The following LEMD1 variants were observed in gnomAD, a reference collection of about 807,000 sequenced individuals.
LEMD1 encodes the protein LEM domain-containing protein 1.
A neutral mutation model predicts 17.4 loss-of-function variants in LEMD1; 18 were observed. That is an observed-to-expected ratio of 1.04 (90% CI 0.72 to 1.54). The LOEUF is 1.54. LEMD1 is among the 40% of genes most tolerant of loss of function. The pLI is 0.00. For missense variants in LEMD1, 195 were observed against 210.4 expected (o/e 0.93, Z 0.45); for synonymous variants, 88 against 77.8 (o/e 1.13, Z -0.69).
upstream of LEMD1, among the ~76,000 whole-genome samples, chr1:205,426,739 C>T (rs1666061659): frequency 6.6e-6 from 1 of 152,148 alleles, no homozygotes; most frequent in African/African-American, 2.4e-5. Flanking sequence ...GGTGTTTAGG[C>T]CCCCAGGTCC....
At chr1:205,440,312 A>G (rs907241445) in intron 1 of LEMD1, among the ~76,000 whole-genome samples, 7 of 152,198 alleles carry the variant, frequency 4.6e-5, no homozygotes. Context: ...AGAGGGAGCC[A>G]CGGAGCCACT....
chr1:205,449,574 G>GCACAGCACAGCACAGCACACAGCA (rs1054768083), intron 1 of LEMD1, among the ~76,000 whole-genome samples: 3 of 152,160 alleles, frequency 2.0e-5, no homozygotes, highest in African/African-American at 4.8e-5. Context: ...CCCAACAACA[G>GCACAGCACAGCACAGCACACAGCA]CACAGCACAG....
intron 5 of LEMD1, among the ~76,000 whole-genome samples, chr1:205,383,097 A>G (rs533401932): frequency 6.6e-6 from 1 of 152,234 alleles, no homozygotes; most frequent in South Asian, 2.1e-4. Flanking sequence ...TATTACATAC[A>G]TATTTTTTTG....
In LEMD1 at chr1:205,413,587, CTTTTTTTTTTTTTTT is replaced by C. The variant is rs781477988; in HGVS notation, c.270+2630_270+2644del. Among the ~76,000 whole-genome samples the C allele has an allele frequency of 1.1e-4, 8 of 72,506 alleles. No homozygotes were observed. The South Asian group carries it at 2.9e-3, about 26-fold the overall frequency. The allele number at this position is 72,506 out of a possible 152,430, so 47.6% of individuals were successfully genotyped here. On this transcript the variant is annotated intron_variant, in intron 4 of 5. Coordinates refer to ENST00000367153, the MANE Select transcript of LEMD1 (RefSeq NM_001199050.2). ...GACATGTGCGTGTCACCATGCCCAACTTTTTTTTTTTTTTTTTTTTTTTTTTGGAGATATGAGGTG... is the reference window on the plus strand; with the variant it reads ...GACATGTGCGTGTCACCATGCCCAACTTTTTTTTTTTGGAGATATGAGGTG...
At chr1:205,422,540 T>C (rs749453343), upstream of LEMD1, among the ~76,000 whole-genome samples, 4 of 152,214 alleles carry the variant, frequency 2.6e-5, no homozygotes. Context: ...ATTTGGCCTT[T>C]TCAAAGCATG....
intron 4 of LEMD1, among the ~76,000 whole-genome samples, chr1:205,411,671 A>AAAAGAAAGAAAG (rs199610367): frequency 1.4e-3 from 205 of 146,156 alleles, no homozygotes; most frequent in African/African-American, 4.9e-3. Context: ...AGAAAGAAAG[A>AAAAGAAAGAAAG]AAAGAAAGAA....
intron 4 of LEMD1, among the ~76,000 whole-genome samples, chr1:205,387,911 C>T (rs1425174865): frequency 1.3e-5 from 2 of 152,252 alleles, no homozygotes; most frequent in Non-Finnish European, 1.5e-5. Flanking sequence ...CACCAGGCAC[C>T]ATTCTAAGCA....
At chr1:205,409,774 AT>A (rs113455474) in intron 4 of LEMD1, among the ~76,000 whole-genome samples, 1,258 of 116,148 alleles carry the variant, frequency 0.011, 10 homozygotes, top group African/African-American at 0.022. Flanking sequence ...CAGTTAATTA[AT>A]TTTTTTTTTT....
At chr1:205,405,296 A>T (rs9729407) in intron 4 of LEMD1, among the ~76,000 whole-genome samples, 11 of 144,552 alleles carry the variant, frequency 7.6e-5, no homozygotes, top group African/African-American at 1.0e-4. Context: ...CCTGCAGAGT[A>T]TTTTCCAACT....
intron 4 of LEMD1, among the ~76,000 whole-genome samples, chr1:205,411,898 G>T (rs1228407733): frequency 6.6e-6 from 1 of 152,086 alleles, no homozygotes; most frequent in Non-Finnish European, 1.5e-5. Context: ...GGCCCAGGAG[G>T]GCTCAGAAGT....
In LEMD1 at chr1:205,400,917, A is replaced by G. The variant is rs568054643; in HGVS notation, c.270+15315T>C. The stretch of plus-strand genomic sequence containing the variant: ...TGTGTCCATGTGTTCTCATTGTTCA[A>G]TTCCCATCTATGAGTGAGAACATGT... On this transcript the variant is annotated intron_variant, in intron 4 of 5. Transcript: ENST00000367153. 4.7e-3 allele frequency among the ~76,000 whole-genome samples: 650 copies of G among 137,002 alleles called. 16 individuals carry two copies. In the Admixed American group the frequency reaches 0.048, roughly 10 times the overall value. The allele number at this position is 137,002 out of a possible 152,430, so 89.9% of individuals were successfully genotyped here.
intron 4 of LEMD1, among the ~76,000 whole-genome samples, chr1:205,390,687 C>A (rs1157196326): frequency 6.6e-6 from 1 of 152,118 alleles, no homozygotes; most frequent in Non-Finnish European, 1.5e-5. Context: ...TTTCTATACA[C>A]CAGTAACAAT....
At chr1:205,400,727 C>T (rs1022087636) in intron 4 of LEMD1, among the ~76,000 whole-genome samples, 1 of 151,066 alleles carries the variant, frequency 6.6e-6, no homozygotes, top group East Asian at 1.9e-4. Context: ...ACTTTAAGTT[C>T]TAGGGTACAT....
chr1:205,386,898 C>G (rs1664058659), intron 4 of LEMD1: 1 of 152,078 alleles, frequency 6.6e-6, no homozygotes, highest in Non-Finnish European at 1.5e-5. Context: ...CATTTATAAG[C>G]AAATTCTTTT....
At chr1:205,397,138 G>GATC in intron 4 of LEMD1, among the ~76,000 whole-genome samples, 2 of 152,194 alleles carry the variant, frequency 1.3e-5, no homozygotes, top group South Asian at 4.1e-4. Context: ...TCAGAAAGAC[G>GATC]AGCCTTTGCT....
At chr1:205,438,294 T>C (rs1666238943) in intron 1 of LEMD1, among the ~76,000 whole-genome samples, 2 of 152,218 alleles carry the variant, frequency 1.3e-5, no homozygotes, top group Admixed American at 1.3e-4. Flanking sequence ...TCTACCCATG[T>C]GCCCCTCCCT....
intron 4 of LEMD1, among the ~76,000 whole-genome samples, chr1:205,411,717 G>A (rs991221165): frequency 6.6e-6 from 1 of 151,644 alleles, no homozygotes. Context: ...AAGAAAGAAA[G>A]AGAAAGAAAG....
chr1:205,393,371 T>C (rs1664429998), intron 4 of LEMD1, among the ~76,000 whole-genome samples: 1 of 60,922 alleles, frequency 1.6e-5, no homozygotes, highest in African/African-American at 5.7e-5. Flanking sequence ...CCCAGTAGAA[T>C]GGCTATTAAA....
chr1:205,430,489 G>A (rs1310486130), intron 1 of LEMD1, among the ~76,000 whole-genome samples: 1 of 152,172 alleles, frequency 6.6e-6, no homozygotes, highest in Non-Finnish European at 1.5e-5. Flanking sequence ...GACAACCAAA[G>A]TCATCCAGAG....
Sources: gnomAD v4.1 joint callset for allele counts (sites outside exome capture counted in the v4.1 genomes callset) on GRCh38, gnomAD v4.1.1 for gene constraint, MANE v1.5 for transcripts, NCBI Gene and HGNC (gene_info 2026-07-23, HGNC 2026-07-21) for gene names.